The following CHSY3 variants were observed in gnomAD, a reference collection of about 807,000 sequenced individuals.
CHSY3 encodes the protein N-acetylgalactosaminyl-proteoglycan 3-beta-glucuronosyltransferase 3.
CHSY3 carries 35 observed loss-of-function variants against 67.2 expected under a neutral mutation model. The ratio of observed to expected loss-of-function variants is 0.52; its 90% CI spans 0.40 to 0.69. CHSY3 has a LOEUF of 0.69. Among genes scored for constraint, CHSY3 ranks in the 30% least tolerant of loss-of-function variants. The pLI is 0.00. For missense variants in CHSY3, 1,069 were observed against 1,138.5 expected, an observed-to-expected ratio of 0.94 and a Z score of 0.88; for synonymous variants, 474 against 434.7, an observed-to-expected ratio of 1.09 and a Z score of -1.12.
intron 2 of CHSY3, among the ~76,000 whole-genome samples, chr5:129,934,895 A>T (rs1182646906): frequency 6.6e-6 from 1 of 152,180 alleles, no homozygotes; most frequent in Non-Finnish European, 1.5e-5. Context: ...AGGAACACTT[A>T]GTCTAAATTT....
chr5:130,101,881 C>A (rs1023805042), intron 2 of CHSY3, among the ~76,000 whole-genome samples: 1 of 152,102 alleles, frequency 6.6e-6, no homozygotes, highest in African/African-American at 2.4e-5. Flanking sequence ...CAGTTTTAAT[C>A]AGTCTTGTCA....
intron 2 of CHSY3, among the ~76,000 whole-genome samples, chr5:129,994,299 C>A (rs1382264839): frequency 6.6e-6 from 1 of 152,114 alleles, no homozygotes; most frequent in Non-Finnish European, 1.5e-5. Flanking sequence ...TAATATCCTG[C>A]AGAGTGTTTT....
intron 2 of CHSY3, among the ~76,000 whole-genome samples, chr5:130,095,540 T>C (rs1170622986): frequency 6.6e-6 from 1 of 152,150 alleles, no homozygotes; most frequent in African/African-American, 2.4e-5. Context: ...ATATAAAAAA[T>C]TGAATCAATG....
At chr5:130,061,177 G>A (rs1765700681) in intron 2 of CHSY3, among the ~76,000 whole-genome samples, 1 of 152,104 alleles carries the variant, frequency 6.6e-6, no homozygotes, top group South Asian at 2.1e-4. Flanking sequence ...CAAGGCCATA[G>A]CAACTAAAAT....
intron 2 of CHSY3, among the ~76,000 whole-genome samples, chr5:129,932,999 C>T (rs1428660557): frequency 1.3e-5 from 2 of 152,062 alleles, no homozygotes; most frequent in African/African-American, 4.8e-5. Flanking sequence ...ATAATAGATC[C>T]CCTACCTTTC....
At chr5:130,161,801 G>A (rs940172322) in intron 2 of CHSY3, among the ~76,000 whole-genome samples, 1 of 152,094 alleles carries the variant, frequency 6.6e-6, no homozygotes, top group African/African-American at 2.4e-5. Flanking sequence ...CACTCTGGGA[G>A]GCTGAGGCTG....
intron 2 of CHSY3, among the ~76,000 whole-genome samples, chr5:129,979,397 AT>A (rs1762911658): frequency 1.3e-5 from 2 of 152,088 alleles, no homozygotes; most frequent in Admixed American, 1.3e-4. Context: ...ATCATAAAGT[AT>A]TTAAACTTTT....
chr5:130,140,267 A>G (rs1351597598), intron 2 of CHSY3: 8 of 345,418 alleles, frequency 2.3e-5, no homozygotes, highest in Non-Finnish European at 4.2e-5. Flanking sequence ...TGGAGATTTG[A>G]GGATACTGTT....
At chr5:129,925,116 G>A (rs1761059400) in intron 2 of CHSY3, among the ~76,000 whole-genome samples, 1 of 152,186 alleles carries the variant, frequency 6.6e-6, no homozygotes. Context: ...AAGATTAAAT[G>A]CGGAGGCCAC....
intron 1 of CHSY3, among the ~76,000 whole-genome samples, chr5:129,907,672 A>C (rs1231068141): frequency 2.6e-5 from 4 of 152,178 alleles, no homozygotes; most frequent in Non-Finnish European, 5.9e-5. Flanking sequence ...TATGAGTAAA[A>C]AATAATTATT....
At chr5:130,078,665 A>G (rs1766349019) in intron 2 of CHSY3, among the ~76,000 whole-genome samples, 1 of 152,140 alleles carries the variant, frequency 6.6e-6, no homozygotes, top group Admixed American at 6.6e-5. Context: ...GACCATTTGG[A>G]CATAGGATGC....
chr5:130,040,846 C>G (rs978222010), intron 2 of CHSY3, among the ~76,000 whole-genome samples: 2 of 152,042 alleles, frequency 1.3e-5, no homozygotes, highest in African/African-American at 4.8e-5. Context: ...TATACTGATC[C>G]CTTTGTGAGG....
At chr5:130,057,993 T>C (rs915205768) in intron 2 of CHSY3, among the ~76,000 whole-genome samples, 4 of 152,128 alleles carry the variant, frequency 2.6e-5, no homozygotes, top group African/African-American at 7.2e-5. Flanking sequence ...ATTTCCCCAA[T>C]CTCAAATATT....
At chr5:130,161,134 G>T (rs1769530237) in intron 2 of CHSY3, among the ~76,000 whole-genome samples, 1 of 151,904 alleles carries the variant, frequency 6.6e-6, no homozygotes, top group Non-Finnish European at 1.5e-5. Context: ...TCGATCTCCT[G>T]ACCTCATGAT....
chr5:129,930,528 T>C (rs1286235275), intron 2 of CHSY3, among the ~76,000 whole-genome samples: 1 of 148,774 alleles, frequency 6.7e-6, no homozygotes, highest in African/African-American at 2.5e-5. Flanking sequence ...GTATGAAGTT[T>C]TGCCTGGAGG....
intron 2 of CHSY3, among the ~76,000 whole-genome samples, chr5:130,182,454 A>AT (rs1770277753): frequency 6.6e-6 from 1 of 151,104 alleles, no homozygotes; most frequent in Admixed American, 6.6e-5. Flanking sequence ...GCCCTTTATT[A>AT]TTTTCCTAAT....
intron 2 of CHSY3, among the ~76,000 whole-genome samples, chr5:130,134,088 C>T (rs75318373): frequency 0.045 from 6,854 of 152,172 alleles, 414 homozygotes; most frequent in East Asian, 0.27. Context: ...TGCCTTGTTA[C>T]TTAAGTGGAC....
chr5:129,988,497 G>A (rs146333589), intron 2 of CHSY3, among the ~76,000 whole-genome samples: 1 of 152,156 alleles, frequency 6.6e-6, no homozygotes, highest in African/African-American at 2.4e-5. Flanking sequence ...TGATAGTAAA[G>A]GTTGGCCTCT....
At chr5:130,037,091 G>T (rs766957420) in intron 2 of CHSY3, among the ~76,000 whole-genome samples, 1 of 152,130 alleles carries the variant, frequency 6.6e-6, no homozygotes, top group Non-Finnish European at 1.5e-5. Context: ...ATAAAAGAAC[G>T]AAACATGCAT....
Sources: allele counts gnomAD v4.1 joint callset (sites outside exome capture counted in the v4.1 genomes callset), GRCh38; gene constraint gnomAD v4.1.1; transcripts MANE v1.5; gene names NCBI Gene and HGNC (gene_info 2026-07-23, HGNC 2026-07-21).